The following VPS37A variants were observed in gnomAD, a reference collection of about 807,000 sequenced individuals.
VPS37A encodes the protein VPS37A subunit of ESCRT-I.
A neutral mutation model predicts 49.8 loss-of-function variants in VPS37A; 30 were observed. That is an observed-to-expected ratio of 0.60 (90% CI 0.45 to 0.82). VPS37A has a LOEUF of 0.82. VPS37A is among the 40% of genes least tolerant of loss of function. The probability of loss-of-function intolerance (pLI) is 0.00; values close to 1 mark genes in which losing one functional copy is unlikely to be tolerated. For synonymous variants in VPS37A, 195 were observed against 160.6 expected (o/e 1.21, Z -1.62); for missense variants, 593 against 464.4 (o/e 1.28, Z -2.55).
the VPS37A span, among the ~76,000 whole-genome samples, chr8:17,333,176 C>T: frequency 6.6e-6 from 1 of 152,092 alleles, no homozygotes; most frequent in Non-Finnish European, 1.5e-5. Context: ...CTGTTCCCAT[C>T]CACAAAAGGG....
At chr8:17,319,125 G>A in the VPS37A span, among the ~76,000 whole-genome samples, 1 of 152,188 alleles carries the variant, frequency 6.6e-6, no homozygotes, top group African/African-American at 2.4e-5. Flanking sequence ...ATACGCATGG[G>A]CAATAGCACG....
At chr8:17,283,409 G>C (rs781046144) in intron 9 of VPS37A, among the ~76,000 whole-genome samples, 10 of 152,134 alleles carry the variant, frequency 6.6e-5, no homozygotes, top group Non-Finnish European at 1.5e-4. Flanking sequence ...GCTTGCCTCA[G>C]GCTCCCACAG....
intron 10 of VPS37A, among the ~76,000 whole-genome samples, chr8:17,285,282 A>G (rs1307138402): frequency 1.3e-5 from 2 of 152,168 alleles, no homozygotes; most frequent in Non-Finnish European, 2.9e-5. Flanking sequence ...ATCATTCTGT[A>G]ATACAGCTGA....
At chr8:17,298,373 T>C (rs911556869), downstream of VPS37A, 6 of 152,110 alleles carry the variant, frequency 3.9e-5, no homozygotes, top group African/African-American at 1.2e-4. Context: ...AACAGTACTT[T>C]TAAATCACAG....
At chr8:17,253,353 C>T (rs1306441056) in intron 1 of VPS37A, among the ~76,000 whole-genome samples, 1 of 152,172 alleles carries the variant, frequency 6.6e-6, no homozygotes, top group Non-Finnish European at 1.5e-5. Context: ...ACATTGCTGC[C>T]AGAGTAATCT....
At chr8:17,266,151 T>C (rs1030585348) in intron 2 of VPS37A, among the ~76,000 whole-genome samples, 170 bp downstream of exon 2, 8 of 152,220 alleles carry the variant, frequency 5.3e-5, no homozygotes, top group Admixed American at 2.0e-4. Context: ...ATCACTGTTA[T>C]AGTGTTATAA....
intron 11 of VPS37A, among the ~76,000 whole-genome samples, chr8:17,288,216 G>T (rs1199943621): frequency 2.0e-5 from 3 of 151,990 alleles, no homozygotes; most frequent in East Asian, 3.9e-4. Context: ...TATTTTATAG[G>T]AAAATCTTTT....
rs28828492 is a variant in VPS37A, at chr8:17,288,769, T to C, written c.*2342T>C. On this transcript the variant is annotated intron_variant, in intron 11 of 11. Coordinates refer to ENST00000324849, the MANE Select transcript of VPS37A (RefSeq NM_152415.3). ...GATCTGGGTCAAATGGTATTTCTAG[T>C]TCTAGATCCTTGAGGAATCACCACA... 3.2e-3 allele frequency among the ~76,000 whole-genome samples: 486 copies of C among 152,316 alleles called. 3 individuals carry two copies. Among genetic ancestry groups the C allele is most frequent in the African/African-American group, 0.011 (466 of 41,572 alleles).
intron 6 of VPS37A, among the ~76,000 whole-genome samples, chr8:17,276,853 A>C (rs1034415780): frequency 4.6e-5 from 7 of 152,162 alleles, no homozygotes; most frequent in African/African-American, 1.7e-4. Flanking sequence ...TAGAGAAATA[A>C]AGTTATAAAG....
chr8:17,286,385 G>A lies in VPS37A; in HGVS notation c.1152G>A (p.Gln384=). ...HCRRAKEEKL[Q]QAIAMHSQFH... ...GAAGAGCCAAGGAAGAGAAACTTCA[G>A]CAGGCGATAGCAATGCACAGCCAAT... The change falls in exon 11 of 12, where the codon CAG becomes CAA. Residue 384 remains glutamine (Q), a synonymous_variant. Coordinates refer to ENST00000324849, the MANE Select transcript of VPS37A (RefSeq NM_152415.3). 6.2e-7 allele frequency: 1 copy of A among 1,613,824 alleles called. No homozygotes were observed. Among genetic ancestry groups the A allele is most frequent in the Non-Finnish European group, 8.5e-7 (1 of 1,179,878 alleles).
At chr8:17,290,202 C>G (rs1343637912) in intron 11 of VPS37A, among the ~76,000 whole-genome samples, 1 of 152,120 alleles carries the variant, frequency 6.6e-6, no homozygotes, top group African/African-American at 2.4e-5. Context: ...CTTTTTCTTG[C>G]CTCATTGCAC....
At chr8:17,275,757 A>G (rs1029008625) in intron 5 of VPS37A, among the ~76,000 whole-genome samples, 5 of 152,206 alleles carry the variant, frequency 3.3e-5, no homozygotes, top group African/African-American at 9.6e-5. Context: ...CACCCATAGC[A>G]TTACTCAAGT....
At chr8:17,308,777 C>A in the VPS37A span, among the ~76,000 whole-genome samples, 1 of 152,164 alleles carries the variant, frequency 6.6e-6, no homozygotes, top group Non-Finnish European at 1.5e-5. Flanking sequence ...CAAGGCCAGA[C>A]AGTGAATATC....
chr8:17,332,617 T>C, the VPS37A span, among the ~76,000 whole-genome samples: 1 of 152,234 alleles, frequency 6.6e-6, no homozygotes, highest in Non-Finnish European at 1.5e-5. Flanking sequence ...CTGCCGCTGC[T>C]GCTGCCCAGC....
chr8:17,285,945 G>T (rs567693675), intron 10 of VPS37A, among the ~76,000 whole-genome samples: 1 of 152,088 alleles, frequency 6.6e-6, no homozygotes, highest in African/African-American at 2.4e-5. Context: ...CTTAGCTGTC[G>T]TCAACATTAG....
chr8:17,280,495 T>C (rs770802302), intron 9 of VPS37A, 52 bp downstream of exon 9: 8 of 1,485,304 alleles, frequency 5.4e-6, no homozygotes, highest in African/African-American at 2.8e-5. Flanking sequence ...TTTAATCTTA[T>C]GTGCATGAGT....
the VPS37A span, among the ~76,000 whole-genome samples, chr8:17,312,105 CAAAAGT>C: frequency 1.5e-4 from 23 of 152,200 alleles, no homozygotes; most frequent in Admixed American, 3.3e-4. Context: ...AAGGAAAAAA[CAAAAGT>C]AAAAATGACA....
At chr8:17,261,849 TTGG>T (rs1375204206) in intron 1 of VPS37A, among the ~76,000 whole-genome samples, 1 of 152,152 alleles carries the variant, frequency 6.6e-6, no homozygotes, top group African/African-American at 2.4e-5. Context: ...GCACTCTGAT[TTGG>T]TGTTTTCTTT....
chr8:17,262,922 G>T (rs893349852), intron 1 of VPS37A, among the ~76,000 whole-genome samples: 1 of 151,948 alleles, frequency 6.6e-6, no homozygotes, highest in Non-Finnish European at 1.5e-5. Flanking sequence ...TTAGCTGGGT[G>T]TGGTGGTGTG....
Sources: gnomAD v4.1 joint callset for allele counts (sites outside exome capture counted in the v4.1 genomes callset) on GRCh38, gnomAD v4.1.1 for gene constraint, MANE v1.5 for transcripts, NCBI Gene and HGNC (gene_info 2026-07-23, HGNC 2026-07-21) for gene names.